The following MELK variants were observed in gnomAD, a reference collection of about 807,000 sequenced individuals.
The protein encoded by MELK is maternal embryonic leucine zipper kinase.
MELK carries 81 observed loss-of-function variants against 85.0 expected under a neutral mutation model. The observed-to-expected ratio is 0.95, with a 90% confidence interval of 0.80 to 1.15. MELK has a LOEUF of 1.15. Among genes scored for constraint, MELK ranks in the 50% most tolerant of loss-of-function variants. The pLI, the probability that MELK is intolerant of heterozygous loss-of-function variation, is 0.00. For missense variants in MELK, 754 were observed against 777.5 expected (o/e 0.97, Z 0.36); for synonymous variants, 252 against 265.0 (o/e 0.95, Z 0.48).
chr9:36,672,034 A>G (rs1571226), intron 16 of MELK, among the ~76,000 whole-genome samples: 130,233 of 152,048 alleles, frequency 0.86, 56,090 homozygotes, highest in Admixed American at 0.9. Flanking sequence ...GACTGGGTCT[A>G]TGTTTAGTTT....
intron 11 of MELK, among the ~76,000 whole-genome samples, chr9:36,648,122 A>G (rs1362704462): frequency 6.6e-6 from 1 of 152,168 alleles, no homozygotes; most frequent in East Asian, 1.9e-4. Context: ...TTCATTAAAC[A>G]TAGTGGATTG....
intron 1 of MELK, among the ~76,000 whole-genome samples, chr9:36,573,351 G>A (rs1466408381): frequency 6.6e-6 from 1 of 152,150 alleles, no homozygotes; most frequent in Non-Finnish European, 1.5e-5. Context: ...GTTGACAGAA[G>A]GGTTTCGAGT....
chr9:36,619,520 A>G (rs756934693), intron 8 of MELK, among the ~76,000 whole-genome samples: 13 of 152,206 alleles, frequency 8.5e-5, no homozygotes, highest in Admixed American at 2.6e-4. Flanking sequence ...GAGTCATTTT[A>G]TCCAGCTAAA....
chr9:36,612,827 G>A (rs1216014301), intron 8 of MELK, among the ~76,000 whole-genome samples: 1 of 152,084 alleles, frequency 6.6e-6, no homozygotes, highest in Non-Finnish European at 1.5e-5. Context: ...TACTTTTCTT[G>A]GGGAGAGCTT....
At chr9:36,579,919 AC>A (rs1310005434) in intron 1 of MELK, among the ~76,000 whole-genome samples, 3 of 152,142 alleles carry the variant, frequency 2.0e-5, no homozygotes. Context: ...AGTATATGTA[AC>A]CCACATAAGT....
intron 4 of MELK, among the ~76,000 whole-genome samples, chr9:36,592,476 C>T (rs1823728487): frequency 6.6e-6 from 1 of 152,036 alleles, no homozygotes; most frequent in Non-Finnish European, 1.5e-5. Context: ...CGCGCCCGGC[C>T]CTCAAATTTT....
At chr9:36,644,724 T>G (rs1830069454) in intron 11 of MELK, among the ~76,000 whole-genome samples, 1 of 152,224 alleles carries the variant, frequency 6.6e-6, no homozygotes, top group Non-Finnish European at 1.5e-5. Context: ...ACTGAAATTT[T>G]AAAAAATGTT....
intron 11 of MELK, among the ~76,000 whole-genome samples, chr9:36,643,416 A>ATT (rs998368417): frequency 6.6e-6 from 1 of 151,936 alleles, no homozygotes; most frequent in African/African-American, 2.4e-5. Flanking sequence ...TACAGCACCA[A>ATT]TTTGAGAGTA....
intron 16 of MELK, among the ~76,000 whole-genome samples, chr9:36,674,519 G>A (rs183501849): frequency 1.3e-5 from 2 of 152,254 alleles, no homozygotes; most frequent in Admixed American, 1.3e-4. Context: ...GTGGGAAGGG[G>A]AAAATAGGCA....
chr9:36,670,789 G>T (rs1173157212), intron 15 of MELK, among the ~76,000 whole-genome samples: 1 of 151,946 alleles, frequency 6.6e-6, no homozygotes, highest in Non-Finnish European at 1.5e-5. Context: ...AAATAGTTTT[G>T]CTGAGTGGCA....
intron 17 of MELK, 52 bp from the exon 18 acceptor site, chr9:36,677,106 CTT>C: frequency 6.6e-7 from 1 of 1,515,862 alleles, no homozygotes; most frequent in African/African-American, 1.4e-5. Flanking sequence ...TTAGAAAACT[CTT>C]ATACAGAATA....
chr9:36,670,100 A>T (rs73645816), intron 15 of MELK, among the ~76,000 whole-genome samples: 1 of 152,150 alleles, frequency 6.6e-6, no homozygotes, highest in Non-Finnish European at 1.5e-5. Context: ...CTAACACCAC[A>T]GTAGTTTCTA....
At position 36,594,515 on chromosome 9, in the gene MELK, C is replaced by T. The variant is rs1823973057; in HGVS notation, c.262-113C>T. 2.4e-6 allele frequency: 3 copies of T among 1,234,594 alleles called. No individual in the cohort carries two copies. In the South Asian group the frequency reaches 4.5e-5, roughly 19 times the overall value. The allele number at this position is 1,234,594 out of a possible 1,614,324, so 76.5% of individuals were successfully genotyped here. A position where few individuals can be genotyped will look rare whatever the true frequency, so the allele number is the denominator to read the frequency against. On this transcript the variant is annotated intron_variant, in intron 4 of 17. Coordinates refer to ENST00000298048, the MANE Select transcript of MELK (RefSeq NM_014791.4). ...GAATATACCTTACTCGGTTCCATTC[C>T]CTATAAAGTCGAATTAATAATATCT...
Position 36,574,281 on chromosome 9 carries a change from G to A in MELK, c.-39+1274G>A, listed in dbSNP as rs149335085. 6.2e-3 allele frequency among the ~76,000 whole-genome samples: 938 copies of A among 152,102 alleles called. 12 individuals are homozygous for A. Among genetic ancestry groups the A allele is most frequent in the African/African-American group, 0.021 (890 of 41,496 alleles). On this transcript the variant is annotated intron_variant, in intron 1 of 17. Coordinates refer to ENST00000298048, the MANE Select transcript of MELK (RefSeq NM_014791.4). ...CAGGATGCTAATTAAATGTGTTACAGGCCACATTATAAACCATTCTGAGCC... is the reference window on the plus strand; with the variant it reads ...CAGGATGCTAATTAAATGTGTTACAAGCCACATTATAAACCATTCTGAGCC...
intron 1 of MELK, 125 bp downstream of exon 1, chr9:36,573,132 C>T (rs1821258871): frequency 6.6e-6 from 1 of 152,308 alleles, no homozygotes; most frequent in African/African-American, 2.4e-5. Context: ...CATCGGAGCC[C>T]CGCGCTTTAC....
intron 5 of MELK, among the ~76,000 whole-genome samples, chr9:36,595,432 G>A (rs1191962754): frequency 2.6e-5 from 4 of 151,926 alleles, no homozygotes; most frequent in Non-Finnish European, 4.4e-5. Context: ...CACCGCGCCC[G>A]GCCAGGCCAG....
At chr9:36,649,441 C>T (rs62541989) in intron 11 of MELK, among the ~76,000 whole-genome samples, 353 of 151,916 alleles carry the variant, frequency 2.3e-3, no homozygotes, top group Non-Finnish European at 3.9e-3. Flanking sequence ...GACCCAAGAT[C>T]GCGCCACTGC....
rs200740954 is a variant in MELK, at chr9:36,607,678, G to T, written c.666+5G>T. ...GCTTTATACAAGAAGATTATGGTGA[G>T]TATTACAAGGCATAGAATTTCAATG... On this transcript the variant is annotated splice_donor_5th_base_variant and intron_variant, in intron 8 of 17. Transcript: ENST00000298048. The T allele has an allele frequency of 1.9e-6, 3 of 1,554,632 alleles. No homozygotes were observed. Among genetic ancestry groups the T allele is most frequent in the Non-Finnish European group, 2.7e-6 (3 of 1,126,464 alleles).
chr9:36,657,476 T>C (rs1831368222), intron 13 of MELK, 113 bp downstream of exon 13: 1 of 1,181,758 alleles, frequency 8.5e-7, no homozygotes, highest in African/African-American at 1.5e-5. Flanking sequence ...CTTAAGCCAC[T>C]GAAAATGTTT....
Sources: gnomAD v4.1 joint callset for allele counts (sites outside exome capture counted in the v4.1 genomes callset) on GRCh38, gnomAD v4.1.1 for gene constraint, MANE v1.5 for transcripts, NCBI Gene and HGNC (gene_info 2026-07-23, HGNC 2026-07-21) for gene names.